The following SDK2 variants were observed in gnomAD, a reference collection of about 807,000 sequenced individuals.
SDK2 encodes the protein sidekick cell adhesion molecule 2, also known as protein sidekick-2.
SDK2 carries 105 observed loss-of-function variants against 253.9 expected under a neutral mutation model. The observed-to-expected ratio is 0.41, with a 90% CI of 0.35 to 0.49. The LOEUF is 0.49. Among genes scored for constraint, SDK2 ranks in the 20% least tolerant of loss-of-function variants. SDK2 has a pLI of 0.06. For synonymous variants in SDK2, 1,249 were observed against 1,234.9 expected, an observed-to-expected ratio of 1.01 and a Z score of -0.24; for missense variants, 2,608 against 3,003.0, an observed-to-expected ratio of 0.87 and a Z score of 3.07.
Position 73,465,639 on chromosome 17 carries a change from TA to T in SDK2, c.331+6472del, listed in dbSNP as rs2063591739. On this transcript the variant is annotated intron_variant, in intron 3 of 44. Coordinates refer to ENST00000392650, the MANE Select transcript of SDK2 (RefSeq NM_001144952.2). This position sits in a 1 kb window ranked among gnomAD's most constrained non-coding sequence, Gnocchi z 4.2. ...GGAAGATGTTTTATTGACTTCCCCT[TA>T]ATTGCTGTAATTAAAAACATGTAAA... is the stretch of plus-strand genomic sequence containing the variant. Among the ~76,000 whole-genome samples, 1 of 152,226 alleles carries T rather than the reference TA, an allele frequency of 6.6e-6. No homozygotes were observed. The highest frequency in any genetic ancestry group is 2.4e-5 in the African/African-American group (1 of 41,456).
chr17:73,617,762 C>T (rs374336959), intron 1 of SDK2, among the ~76,000 whole-genome samples: 4 of 152,268 alleles, frequency 2.6e-5, no homozygotes, highest in Admixed American at 2.0e-4. Context: ...ACTTTATGCC[C>T]ATTAACTAAA....
At chr17:73,529,866 T>G (rs1206329953) in intron 1 of SDK2, among the ~76,000 whole-genome samples, 1 of 152,180 alleles carries the variant, frequency 6.6e-6, no homozygotes, top group East Asian at 1.9e-4. Flanking sequence ...ATGATATATT[T>G]TTGTTACTTG....
At chr17:73,365,188 T>C (rs1056638512) in intron 38 of SDK2, 70 bp downstream of exon 38, 3 of 1,205,698 alleles carry the variant, frequency 2.5e-6, no homozygotes, top group South Asian at 1.7e-5. Flanking sequence ...GTGGCTGTGA[T>C]GGGCGCTGAG....
intron 40 of SDK2, among the ~76,000 whole-genome samples, chr17:73,353,165 G>A (rs866566964): frequency 3.3e-5 from 5 of 152,000 alleles, no homozygotes; most frequent in Middle Eastern, 3.4e-3. Flanking sequence ...TAAAAGATAC[G>A]TACTGTGCAG....
chr17:73,365,681 G>A (rs1361958452), intron 37 of SDK2, among the ~76,000 whole-genome samples: 1 of 152,198 alleles, frequency 6.6e-6, no homozygotes, highest in East Asian at 1.9e-4. Context: ...GTGGCTCTGA[G>A]CCCGGGCTAT....
intron 18 of SDK2, 54 bp downstream of exon 18, chr17:73,414,590 C>A: frequency 7.1e-7 from 1 of 1,401,336 alleles, no homozygotes; most frequent in Non-Finnish European, 1.0e-6. Flanking sequence ...CCTCTCCCCA[C>A]CCCCTCCAGA....
At chr17:73,513,980 G>C (rs1006119512) in intron 1 of SDK2, among the ~76,000 whole-genome samples, 1 of 152,178 alleles carries the variant, frequency 6.6e-6, no homozygotes, top group African/African-American at 2.4e-5. Flanking sequence ...CTGGGTGCCC[G>C]GGGACTTGGG....
rs758188272 is a variant in SDK2 at position 73,468,678 on chromosome 17, A to AT, written c.331+3433dup. ...AGGCATGTGCCACCACGCCTGGCTAATTTTTTTTTTAATTTTTTTTTTATT... is the reference window on the plus strand; with the variant it reads ...AGGCATGTGCCACCACGCCTGGCTAATTTTTTTTTTTAATTTTTTTTTTATT... On this transcript the variant is annotated intron_variant, in intron 3 of 44. Transcript: ENST00000392650. Among the ~76,000 whole-genome samples, 300 of 148,290 alleles carry AT rather than the reference A, an allele frequency of 2.0e-3. 4 individuals carry two copies. The East Asian group carries it at 0.048, about 24-fold the overall frequency.
intron 27 of SDK2, 26 bp from the exon 28 acceptor site, chr17:73,391,564 C>T (rs373481242): frequency 7.4e-6 from 9 of 1,223,816 alleles, no homozygotes; most frequent in African/African-American, 4.6e-5. Context: ...GAGAGGAGGC[C>T]GACCCATGAG....
At position 73,335,653 on chromosome 17, in the gene SDK2, G is replaced by A. The variant is rs1240055776; in HGVS notation, c.*2934C>T. 1.3e-5 allele frequency: 2 copies of A among 152,254 alleles called. No individual in the cohort carries two copies. Among genetic ancestry groups the A allele is most frequent in the East Asian group, 3.8e-4 (2 of 5,196 alleles). 9.4% of individuals were successfully genotyped at this position (152,254 alleles called of 1,614,324 possible). On this transcript the variant is annotated 3_prime_UTR_variant, in exon 45 of 45. Transcript: ENST00000392650. Reference sequence around the variant, plus strand: ...CCAGATGAGTGGGTATTGACTAAGTGTGGGACTTTCACCATGGGCCCAGCC... The same window carrying A: ...CCAGATGAGTGGGTATTGACTAAGTATGGGACTTTCACCATGGGCCCAGCC...
chr17:73,348,507 G>A (rs982642003), intron 44 of SDK2, 92 bp downstream of exon 44: 6 of 1,448,232 alleles, frequency 4.1e-6, no homozygotes, highest in Non-Finnish European at 4.6e-6. Flanking sequence ...GCCCCTTGAA[G>A]GAAAGGAAGA....
At position 73,386,604 on chromosome 17, in the gene SDK2, A is replaced by C; in HGVS notation, c.4395-56T>G. On this transcript the variant is annotated intron_variant, in intron 30 of 44. Coordinates refer to ENST00000392650, the MANE Select transcript of SDK2 (RefSeq NM_001144952.2). The stretch of plus-strand genomic sequence containing the variant: ...AGGTGCTCCTTAAAGGCCTCGCCCC[A>C]TGCTCCCACCAAGGAGTCTCCCTGA... The C allele has an allele frequency of 2.4e-6, 3 of 1,270,596 alleles. No individual in the cohort carries two copies. In the South Asian group the frequency reaches 3.8e-5, roughly 16 times the overall value. 78.7% of individuals were successfully genotyped at this position (1,270,596 alleles called of 1,614,324 possible).
At chr17:73,463,518 C>T (rs961766986) in intron 3 of SDK2, among the ~76,000 whole-genome samples, 1 of 152,130 alleles carries the variant, frequency 6.6e-6, no homozygotes, top group African/African-American at 2.4e-5. Context: ...CTTTCCCCTA[C>T]CCTGGATCTC....
At chr17:73,445,848 CA>C (rs1188571228) in intron 5 of SDK2, among the ~76,000 whole-genome samples, 1 of 152,098 alleles carries the variant, frequency 6.6e-6, no homozygotes, top group Non-Finnish European at 1.5e-5. Context: ...CGTGTGATGG[CA>C]GGAGGCCAAG....
rs777907157 is a variant in SDK2 at position 73,383,601 on chromosome 17, G to A, written c.4705+275C>T. On this transcript the variant is annotated intron_variant, in intron 33 of 44. Transcript: ENST00000392650. The surrounding 1 kb of genome is among the most constrained non-coding windows in gnomAD (Gnocchi z 4.3). ...TCCTAGAATGTTTCCTTCCCAGCTC[G>A]CCTGGCTCCTCCTCCAGCCTGCAAC... Among the ~76,000 whole-genome samples, 2 of 152,164 alleles carry A rather than the reference G, an allele frequency of 1.3e-5. No individual in the cohort carries two copies. Among genetic ancestry groups the A allele is most frequent in the South Asian group, 2.1e-4 (1 of 4,838 alleles).
intron 2 of SDK2, among the ~76,000 whole-genome samples, chr17:73,482,910 G>A (rs73349733): frequency 0.1 from 15,190 of 152,164 alleles, 1,010 homozygotes; most frequent in African/African-American, 0.18. Flanking sequence ...CTTGACACAC[G>A]CTATCTGGTT....
At chr17:73,480,636 C>CAGAGACAGAGAGAGACAGTCAG (rs1342457927) in intron 2 of SDK2, among the ~76,000 whole-genome samples, 1 of 151,904 alleles carries the variant, frequency 6.6e-6, no homozygotes, top group Non-Finnish European at 1.5e-5. Context: ...AAATGAGAGA[C>CAGAGACAGAGAGAGACAGTCAG]AGAGACAGAG....
At chr17:73,382,559 G>A (rs767727231) in intron 33 of SDK2, among the ~76,000 whole-genome samples, 5 of 152,204 alleles carry the variant, frequency 3.3e-5, no homozygotes, top group East Asian at 1.9e-4. Flanking sequence ...TCTAATTATC[G>A]TTGCTACCTG....
chr17:73,572,651 C>T (rs964758931), intron 1 of SDK2, among the ~76,000 whole-genome samples: 1 of 152,192 alleles, frequency 6.6e-6, no homozygotes, highest in Non-Finnish European at 1.5e-5. Context: ...CAGCATGAGC[C>T]CAGTGCTAGG....
Sources: allele counts gnomAD v4.1 joint callset (sites outside exome capture counted in the v4.1 genomes callset), GRCh38; gene constraint gnomAD v4.1.1; non-coding constraint Gnocchi (gnomAD v3.1); transcripts MANE v1.5; gene names NCBI Gene and HGNC (gene_info 2026-07-23, HGNC 2026-07-21).